SHISAL1: variants seen among roughly 807,000 people sequenced by gnomAD.
The protein encoded by SHISAL1 is protein shisa-like-1.
A neutral mutation model predicts 22.6 loss-of-function variants in SHISAL1; 9 were observed. The observed-to-expected ratio is 0.40, with a 90% CI of 0.24 to 0.70. The LOEUF (loss-of-function observed/expected upper bound fraction) is 0.70, where lower values mean the gene tolerates loss of function less well. Among genes scored for constraint, SHISAL1 ranks in the 30% least tolerant of loss-of-function variants. SHISAL1 has a pLI of 0.39. For synonymous variants in SHISAL1, 119 were observed against 115.4 expected (o/e 1.03, Z -0.20); for missense variants, 246 against 270.6 (o/e 0.91, Z 0.64).
In SHISAL1 at chr22:44,244,449, G is replaced by T. The variant is rs1423169455; in HGVS notation, c.*5236C>A. 1.3e-5 allele frequency: 2 copies of T among 151,452 alleles called. No homozygotes were observed. Among genetic ancestry groups the T allele is most frequent in the East Asian group, 3.9e-4 (2 of 5,170 alleles). The allele number at this position is 151,452 out of a possible 1,614,324, so 9.4% of individuals were successfully genotyped here. On this transcript the variant is annotated 3_prime_UTR_variant, in exon 5 of 5. Transcript: ENST00000381176. ...CTGCAGCAGCCCCGGATTTCAGTCT[G>T]TCAAGGGCAAATCTGTCAGGGCTTT...
chr22:44,273,398 C>A (rs137962548), intron 4 of SHISAL1, among the ~76,000 whole-genome samples: 1 of 152,100 alleles, frequency 6.6e-6, no homozygotes, highest in Non-Finnish European at 1.5e-5. Flanking sequence ...ATACCGTCAC[C>A]GGCACAGATG....
At chr22:44,298,543 A>G (rs1423586289) in intron 2 of SHISAL1, among the ~76,000 whole-genome samples, 2 of 152,230 alleles carry the variant, frequency 1.3e-5, no homozygotes, top group Non-Finnish European at 2.9e-5. Flanking sequence ...GTCACTGCCC[A>G]GGTCAGTGAG....
the SHISAL1 span, among the ~76,000 whole-genome samples, chr22:44,323,624 C>G: frequency 1.4e-5 from 2 of 147,944 alleles, no homozygotes; most frequent in Non-Finnish European, 3.0e-5. Flanking sequence ...ATTCATCCAT[C>G]CATGCATCCA....
the SHISAL1 span, among the ~76,000 whole-genome samples, chr22:44,326,541 G>A: frequency 6.6e-6 from 1 of 152,136 alleles, no homozygotes; most frequent in Non-Finnish European, 1.5e-5. Flanking sequence ...CCCTCCCAGG[G>A]CTCTGTTAAG....
chr22:44,292,114 C>T (rs1363861847), intron 3 of SHISAL1, among the ~76,000 whole-genome samples: 1 of 152,224 alleles, frequency 6.6e-6, no homozygotes, highest in African/African-American at 2.4e-5. Context: ...ATAAATAAAT[C>T]ATCAGAAGCG....
At chr22:44,304,080 C>T (rs1045367345) in intron 1 of SHISAL1, among the ~76,000 whole-genome samples, 2 of 152,246 alleles carry the variant, frequency 1.3e-5, no homozygotes, top group South Asian at 4.1e-4. Flanking sequence ...CCCAGACTGT[C>T]CTGGCACCTG....
intron 4 of SHISAL1, among the ~76,000 whole-genome samples, chr22:44,282,406 C>T (rs2055282872): frequency 1.3e-5 from 2 of 152,368 alleles, no homozygotes; most frequent in South Asian, 2.1e-4. Context: ...GTGCCTTGGC[C>T]TCCTGTCTCT....
intron 4 of SHISAL1, among the ~76,000 whole-genome samples, chr22:44,279,113 C>A (rs1188338686): frequency 6.6e-6 from 1 of 152,172 alleles, no homozygotes; most frequent in African/African-American, 2.4e-5. Flanking sequence ...TGGTACCCAC[C>A]ACCGCGGAGT....
At position 44,312,374 on chromosome 22, in the gene SHISAL1, G is replaced by A. The variant is rs540127099; in HGVS notation, c.-33+377C>T. ...CTGAGAGCACTCCCTAGGCCATGCC[G>A]GACCCTCCCCCGAGCCTTTGGCCTT... On this transcript the variant is annotated intron_variant, in intron 1 of 4. Transcript: ENST00000381176. Among the ~76,000 whole-genome samples, 91 of 152,162 alleles carry A rather than the reference G, an allele frequency of 6.0e-4. 1 individual carries two copies. The highest frequency in any genetic ancestry group is 2.1e-3 in the African/African-American group (89 of 41,510).
Position 44,269,066 on chromosome 22 carries a change from T to G in SHISAL1, c.599+16362A>C, listed in dbSNP as rs1301065947. Among the ~76,000 whole-genome samples the G allele has an allele frequency of 1.3e-5, 2 of 151,986 alleles. 1 individual carries two copies. Among genetic ancestry groups the G allele is most frequent in the African/African-American group, 4.8e-5 (2 of 41,362 alleles). On this transcript the variant is annotated intron_variant, in intron 4 of 4. Coordinates refer to ENST00000381176, the MANE Select transcript of SHISAL1 (RefSeq NM_001099294.2). ...CTGGGGCTGCTTCCCCGACGTCCTTTCTACTGCCCGGGACAGTAAACATCC... is the reference window on the plus strand; with the variant it reads ...CTGGGGCTGCTTCCCCGACGTCCTTGCTACTGCCCGGGACAGTAAACATCC...
the SHISAL1 span, among the ~76,000 whole-genome samples, chr22:44,317,968 C>G: frequency 6.6e-6 from 1 of 152,268 alleles, no homozygotes; most frequent in Non-Finnish European, 1.5e-5. Context: ...GAGCTGGGCT[C>G]TGCCACTGCA....
chr22:44,290,026 A>C (rs1344137386), intron 3 of SHISAL1, among the ~76,000 whole-genome samples: 1 of 152,220 alleles, frequency 6.6e-6, no homozygotes, highest in Non-Finnish European at 1.5e-5. Flanking sequence ...GAGGAATCTC[A>C]CTGAACGTCT....
intron 2 of SHISAL1, among the ~76,000 whole-genome samples, chr22:44,299,382 G>A (rs934069521): frequency 3.9e-5 from 6 of 152,234 alleles, no homozygotes; most frequent in African/African-American, 1.2e-4. Context: ...GGGTGACCTC[G>A]GGCAGGCCGC....
At chr22:44,254,207 A>G (rs1364718556) in intron 4 of SHISAL1, among the ~76,000 whole-genome samples, 1 of 152,216 alleles carries the variant, frequency 6.6e-6, no homozygotes, top group Non-Finnish European at 1.5e-5. Flanking sequence ...ATAAATGAGA[A>G]AGAATGAATT....
chr22:44,282,300 C>T (rs1445680148), intron 4 of SHISAL1, among the ~76,000 whole-genome samples: 1 of 152,248 alleles, frequency 6.6e-6, no homozygotes, highest in East Asian at 1.9e-4. Context: ...GAGCCAGGGG[C>T]AGGGAACTCC....
At chr22:44,331,208 G>T in the SHISAL1 span, among the ~76,000 whole-genome samples, 1 of 151,798 alleles carries the variant, frequency 6.6e-6, no homozygotes, top group African/African-American at 2.4e-5. This position sits in a 1 kb window ranked among gnomAD's most constrained non-coding sequence, Gnocchi z 5.2. Flanking sequence ...GCCGAACACC[G>T]GCTGTCCCGC....
At position 44,310,737 on chromosome 22, in the gene SHISAL1, G is replaced by A. The variant is rs192279136; in HGVS notation, c.-33+2014C>T. Among the ~76,000 whole-genome samples, 19 of 152,220 alleles carry A rather than the reference G, an allele frequency of 1.2e-4. No individual in the cohort carries two copies. The highest frequency in any genetic ancestry group is 6.8e-3 in the Middle Eastern group (2 of 292). ...AAATGAAATTGTGTTTGAACTCCAT[G>A]TCTACGTCTGATTTCCCCAGTTCAT... On this transcript the variant is annotated intron_variant, in intron 1 of 4. Transcript: ENST00000381176. This position sits in a 1 kb window ranked among gnomAD's most constrained non-coding sequence, Gnocchi z 4.0.
intron 1 of SHISAL1, among the ~76,000 whole-genome samples, chr22:44,306,310 G>C (rs2055471674): frequency 8.9e-6 from 1 of 112,276 alleles, no homozygotes; most frequent in African/African-American, 3.0e-5. Flanking sequence ...AGGGAGCTGT[G>C]ATGACGATGG....
At chr22:44,300,849 C>A in intron 2 of SHISAL1, 30 bp downstream of exon 2, 1 of 1,603,130 alleles carries the variant, frequency 6.2e-7, no homozygotes, top group Non-Finnish European at 8.5e-7. Context: ...CACGTGCCGC[C>A]CCCGCCCCCA....
Sources: gnomAD v4.1 joint callset for allele counts (sites outside exome capture counted in the v4.1 genomes callset) on GRCh38, gnomAD v4.1.1 for gene constraint, Gnocchi (gnomAD v3.1) non-coding constraint, MANE v1.5 for transcripts, NCBI Gene and HGNC (gene_info 2026-07-23, HGNC 2026-07-21) for gene names.